The following DIP2B variants were observed in gnomAD, a reference collection of about 807,000 sequenced individuals.
The protein encoded by DIP2B is DIP2 acetate--CoA ligase B (putative), also known as disco-interacting protein 2 homolog B.
Under a neutral mutation model 198.0 loss-of-function variants are expected in DIP2B, and 76 were observed. The ratio of observed to expected loss-of-function variants is 0.38; its 90% CI spans 0.32 to 0.46. DIP2B has a LOEUF of 0.46. Among genes scored for constraint, DIP2B ranks in the 20% least tolerant of loss-of-function variants. The probability of loss-of-function intolerance (pLI) is 0.99; values close to 1 mark genes in which losing one functional copy is unlikely to be tolerated. For synonymous variants in DIP2B, 701 were observed against 739.1 expected (o/e 0.95, Z 0.84); for missense variants, 1,559 against 1,978.4 (o/e 0.79, Z 4.02).
chr12:50,591,657 G>C (rs991292396), intron 1 of DIP2B, among the ~76,000 whole-genome samples: 1 of 146,660 alleles, frequency 6.8e-6, no homozygotes, highest in Admixed American at 6.9e-5. Flanking sequence ...ACATGGTTTT[G>C]CCATGTTGCC....
At chr12:50,527,994 C>T (rs1243383176) in intron 1 of DIP2B, among the ~76,000 whole-genome samples, 1 of 147,666 alleles carries the variant, frequency 6.8e-6, no homozygotes, top group Admixed American at 6.9e-5. Flanking sequence ...GTAGTGTAAT[C>T]ACGGCTCACT....
chr12:50,735,696 A>C (rs577189207), intron 34 of DIP2B, among the ~76,000 whole-genome samples: 126 of 152,082 alleles, frequency 8.3e-4, no homozygotes, highest in African/African-American at 2.8e-3. Context: ...AACTCCTGAC[A>C]TCAGGTGATC....
At chr12:50,629,563 G>T (rs1205120718) in intron 2 of DIP2B, among the ~76,000 whole-genome samples, 1 of 152,028 alleles carries the variant, frequency 6.6e-6, no homozygotes, top group African/African-American at 2.4e-5. Flanking sequence ...TTGAATTTAG[G>T]TAACTCCTAA....
intron 10 of DIP2B, among the ~76,000 whole-genome samples, chr12:50,685,384 G>A (rs537339463): frequency 3.3e-5 from 5 of 152,246 alleles, no homozygotes; most frequent in South Asian, 2.1e-4. Context: ...TACAGATTTG[G>A]TATATCCATC....
At chr12:50,614,811 C>T (rs965919666) in intron 1 of DIP2B, among the ~76,000 whole-genome samples, 6 of 152,196 alleles carry the variant, frequency 3.9e-5, no homozygotes. Flanking sequence ...TCCACTTTGG[C>T]CTAAGCGACC....
At chr12:50,614,094 A>G (rs1034284866) in intron 1 of DIP2B, among the ~76,000 whole-genome samples, 3 of 152,178 alleles carry the variant, frequency 2.0e-5, no homozygotes, top group Admixed American at 6.5e-5. Flanking sequence ...AAGGAAATCT[A>G]TTGCTGTCAT....
In DIP2B at chr12:50,698,197, G is replaced by A. The variant is rs141006598; in HGVS notation, c.2049-131G>A. Reference sequence around the variant, plus strand: ...GAGACACCACACCCAGCTCTAATTTGGCATATTTTTGGGAGAGAAAATGGA... The same window carrying A: ...GAGACACCACACCCAGCTCTAATTTAGCATATTTTTGGGAGAGAAAATGGA... On this transcript the variant is annotated intron_variant, in intron 17 of 37. Transcript: ENST00000301180. 9.9e-4 allele frequency: 1,109 copies of A among 1,119,692 alleles called. 9 individuals carry two copies. In the African/African-American group the frequency reaches 0.016, roughly 16 times the overall value. 69.4% of individuals were successfully genotyped at this position (1,119,692 alleles called of 1,614,324 possible). A position where few individuals can be genotyped will look rare whatever the true frequency, so the allele number is the denominator to read the frequency against.
chr12:50,704,251 C>T (rs187820883), intron 20 of DIP2B, 31 bp downstream of exon 20: 80 of 1,593,896 alleles, frequency 5.0e-5, no homozygotes, highest in Middle Eastern at 1.7e-4. Context: ...GATTTTGTTA[C>T]ATTTGATCCA....
intron 1 of DIP2B, among the ~76,000 whole-genome samples, chr12:50,575,421 CA>C (rs1285795204): frequency 6.6e-6 from 1 of 151,304 alleles, no homozygotes; most frequent in East Asian, 1.9e-4. Context: ...CTCGCTCTGT[CA>C]CCCAGGCTGG....
intron 1 of DIP2B, among the ~76,000 whole-genome samples, chr12:50,579,096 A>T (rs1414067783): frequency 1.3e-5 from 2 of 152,124 alleles, no homozygotes; most frequent in Non-Finnish European, 2.9e-5. Flanking sequence ...TCAAGGAAAA[A>T]CATTTGTACA....
At position 50,665,474 on chromosome 12, in the gene DIP2B, G is replaced by A. The variant is rs1015405527; in HGVS notation, c.427+5155G>A. 2.6e-5 allele frequency among the ~76,000 whole-genome samples: 4 copies of A among 152,248 alleles called. No individual in the cohort carries two copies. The South Asian group carries it at 6.2e-4, about 24-fold the overall frequency. ...AAAATTCTATTTACTTTATAGCCGCGACTCATGCCTATAATCCCAGCACTT... is the reference window on the plus strand; with the variant it reads ...AAAATTCTATTTACTTTATAGCCGCAACTCATGCCTATAATCCCAGCACTT... On this transcript the variant is annotated intron_variant, in intron 4 of 37. Coordinates refer to ENST00000301180, the MANE Select transcript of DIP2B (RefSeq NM_173602.3).
intron 1 of DIP2B, among the ~76,000 whole-genome samples, chr12:50,505,505 C>G (rs1376103039): frequency 6.6e-6 from 1 of 152,090 alleles, no homozygotes; most frequent in Non-Finnish European, 1.5e-5. Flanking sequence ...GCGCTTCCTG[C>G]CCCCCAAAAC....
intron 3 of DIP2B, among the ~76,000 whole-genome samples, chr12:50,652,013 C>G (rs1938461812): frequency 6.6e-6 from 1 of 152,006 alleles, no homozygotes; most frequent in African/African-American, 2.4e-5. Flanking sequence ...AACCGTGTCT[C>G]TACTAAAAAT....
chr12:50,546,248 G>A (rs1449600141), intron 1 of DIP2B, among the ~76,000 whole-genome samples: 2 of 152,166 alleles, frequency 1.3e-5, no homozygotes, highest in African/African-American at 2.4e-5. Flanking sequence ...AGTGAGAGGC[G>A]GCATGGTTTA....
intron 4 of DIP2B, among the ~76,000 whole-genome samples, chr12:50,667,321 G>A (rs901329129): frequency 5.3e-5 from 8 of 152,074 alleles, no homozygotes; most frequent in Admixed American, 2.0e-4. Flanking sequence ...TTGCGTATTC[G>A]TTATATATAA....
At chr12:50,569,494 A>C (rs1958594933) in intron 1 of DIP2B, among the ~76,000 whole-genome samples, 2 of 152,162 alleles carry the variant, frequency 1.3e-5, no homozygotes, top group South Asian at 2.1e-4. Flanking sequence ...CACCATCCTG[A>C]ATTGTTCGTT....
rs1938127295 is a variant in DIP2B, at chr12:50,634,806, T to C, written c.173-5918T>C. On this transcript the variant is annotated intron_variant, in intron 2 of 37. Coordinates refer to ENST00000301180, the MANE Select transcript of DIP2B (RefSeq NM_173602.3). Reference sequence around the variant, plus strand: ...TCTAGCATTAGTGCCTGATATATAGTAGATGTTCTATAAATGTTTGCACAA... The same window carrying C: ...TCTAGCATTAGTGCCTGATATATAGCAGATGTTCTATAAATGTTTGCACAA... 2.0e-5 allele frequency among the ~76,000 whole-genome samples: 3 copies of C among 152,230 alleles called. No homozygotes were observed. The South Asian group carries it at 6.2e-4, about 32-fold the overall frequency.
intron 4 of DIP2B, among the ~76,000 whole-genome samples, chr12:50,668,678 C>A (rs1938797874): frequency 6.6e-6 from 1 of 152,108 alleles, no homozygotes; most frequent in South Asian, 2.1e-4. Context: ...TAAAATGATA[C>A]AATAAAAGCA....
intron 1 of DIP2B, among the ~76,000 whole-genome samples, chr12:50,519,450 T>C (rs1242256846): frequency 6.6e-6 from 1 of 152,180 alleles, no homozygotes; most frequent in Non-Finnish European, 1.5e-5. Flanking sequence ...ATCTATAAAG[T>C]GAAAGGTAAT....
Sources: gnomAD v4.1 joint callset for allele counts (sites outside exome capture counted in the v4.1 genomes callset) on GRCh38, gnomAD v4.1.1 for gene constraint, MANE v1.5 for transcripts, NCBI Gene and HGNC (gene_info 2026-07-23, HGNC 2026-07-21) for gene names.